GIN1: variants seen among roughly 807,000 people sequenced by gnomAD.
The protein encoded by GIN1 is gypsy retrotransposon integrase-like protein 1.
GIN1 carries 41 observed loss-of-function variants against 51.4 expected under a neutral mutation model. That is an observed-to-expected ratio of 0.80 (90% CI 0.62 to 1.04). GIN1 has a LOEUF of 1.04. Ranked by LOEUF, GIN1 falls within the 50% of genes least tolerant of loss-of-function variation. The pLI is 0.00. For synonymous variants in GIN1, 222 were observed against 206.5 expected (o/e 1.07, Z -0.64); for missense variants, 610 against 612.4 (o/e 1.00, Z 0.04).
chr5:103,097,758 C>A lies in GIN1; in HGVS notation c.663G>T (p.Leu221Phe). Reference protein sequence around the residue: ...IQQINIELYRLFGIKQIVISH... With the variant: ...IQQINIELYRFFGIKQIVISH... ...AAATTACAATTTGCTTTATGCCAAA[C>A]AATCTGTACAGTTCAATATTGATCT... The change falls in exon 5 of 8, where the codon TTG (leucine) becomes TTT (phenylalanine). Residue 221 changes from leucine to phenylalanine, a missense_variant. Coordinates refer to ENST00000399004, the MANE Select transcript of GIN1 (RefSeq NM_017676.2). The A allele has an allele frequency of 1.3e-6, 2 of 1,546,224 alleles. No homozygotes were observed. The highest frequency in any genetic ancestry group is 1.8e-6 in the Non-Finnish European group (2 of 1,118,276).
intron 1 of GIN1, among the ~76,000 whole-genome samples, chr5:103,111,864 T>A (rs368573049): frequency 2.0e-5 from 3 of 152,166 alleles, no homozygotes; most frequent in African/African-American, 7.2e-5. Context: ...TTCTATCTAA[T>A]GTAAGATGAA....
intron 4 of GIN1, among the ~76,000 whole-genome samples, chr5:103,100,683 T>C (rs1297433697): frequency 5.3e-5 from 8 of 152,000 alleles, no homozygotes; most frequent in African/African-American, 1.7e-4. Context: ...TGAGCCACCA[T>C]GCTTGGCCCT....
chr5:103,118,416 C>A (rs1298412535), intron 1 of GIN1, among the ~76,000 whole-genome samples: 1 of 152,116 alleles, frequency 6.6e-6, no homozygotes, highest in South Asian at 2.1e-4. Context: ...AAAACCCTTT[C>A]TTTTCCCAAA....
chr5:103,116,075 T>C (rs1383083584), intron 1 of GIN1, among the ~76,000 whole-genome samples: 3 of 152,236 alleles, frequency 2.0e-5, no homozygotes, highest in Admixed American at 6.5e-5. Context: ...AATTGATCTA[T>C]AGATTCAATG....
chr5:103,096,325 A>T (rs868952060), intron 7 of GIN1, among the ~76,000 whole-genome samples: 7 of 152,010 alleles, frequency 4.6e-5, no homozygotes, highest in African/African-American at 7.3e-5. Flanking sequence ...GGGCAGAAAG[A>T]GGGAAACTCT....
chr5:103,103,771 G>C (rs2151470397), intron 4 of GIN1, among the ~76,000 whole-genome samples: 1 of 152,130 alleles, frequency 6.6e-6, no homozygotes, highest in East Asian at 1.9e-4. Flanking sequence ...CCCTTTACCT[G>C]TCAATCATAG....
chr5:103,102,256 GTTAA>G (rs1787595970), intron 4 of GIN1: 2 of 152,096 alleles, frequency 1.3e-5, no homozygotes, highest in Non-Finnish European at 2.9e-5. Flanking sequence ...ATTGTTACCT[GTTAA>G]TTAATTACAT....
chr5:103,096,783 ATGATCTTGCTTTTATTT>A lies in GIN1; in HGVS notation c.1035_1051del (p.Asn346CysfsTer2). On this transcript the variant is annotated frameshift_variant, in exon 7 of 8. Transcript: ENST00000399004. LOFTEE classifies it high-confidence loss of function. ...TAATTGTTTGGGTTTCTTTTTAACA[ATGATCTTGCTTTTATTT>A]AGTTCATCCAAATTGTTGTTCTCCA... The A allele has an allele frequency of 1.2e-6, 2 of 1,607,786 alleles. No individual in the cohort carries two copies. Among genetic ancestry groups the A allele is most frequent in the Non-Finnish European group, 8.5e-7 (1 of 1,174,504 alleles).
At chr5:103,092,657 A>G (rs1273277207) in intron 7 of GIN1, among the ~76,000 whole-genome samples, 1 of 150,750 alleles carries the variant, frequency 6.6e-6, no homozygotes, top group Non-Finnish European at 1.5e-5. Flanking sequence ...TTAAGAAATT[A>G]TATAACTGGA....
Position 103,097,587 on chromosome 5 carries a change from T to C in GIN1, c.831+3A>G, listed in dbSNP as rs375232582. On this transcript the variant is annotated splice_donor_region_variant and intron_variant, in intron 5 of 7. Coordinates refer to ENST00000399004, the MANE Select transcript of GIN1 (RefSeq NM_017676.2). ...AAGTACAGAATTATAAAAAGGCACA[T>C]ACCAAGTGAGTTACATTGAAGGCAA... 28 of 1,589,234 alleles carry C rather than the reference T, an allele frequency of 1.8e-5. No homozygotes were observed. The highest frequency in any genetic ancestry group is 2.2e-5 in the Non-Finnish European group (25 of 1,158,224).
intron 1 of GIN1, among the ~76,000 whole-genome samples, chr5:103,112,432 T>C (rs1389071878): frequency 6.6e-6 from 1 of 152,192 alleles, no homozygotes; most frequent in Admixed American, 6.5e-5. Context: ...GTGGACACCA[T>C]GAGACTGCCT....
At chr5:103,098,551 T>C (rs1787474203) in intron 4 of GIN1, among the ~76,000 whole-genome samples, 1 of 152,116 alleles carries the variant, frequency 6.6e-6, no homozygotes. Context: ...CTGCACTACC[T>C]GGGTTCAAGC....
At chr5:103,091,445 TATC>T (rs1213758965) in intron 7 of GIN1, among the ~76,000 whole-genome samples, 5 of 152,178 alleles carry the variant, frequency 3.3e-5, no homozygotes, top group Non-Finnish European at 5.9e-5. Context: ...TAAGCAAACA[TATC>T]ATATTAAAGG....
In GIN1 at chr5:103,108,557, C is replaced by T; in HGVS notation, c.139+12G>A. On this transcript the variant is annotated intron_variant, in intron 2 of 7. Transcript: ENST00000399004. ...TACAACTCAATAATCAAAATTTGAA[C>T]ATTAATTTTACCTTTGAAGACAAAT... is the stretch of plus-strand genomic sequence containing the variant. 1 of 1,557,872 alleles carries T rather than the reference C, an allele frequency of 6.4e-7. No homozygotes were observed.
chr5:103,101,010 C>A (rs1018573316), intron 4 of GIN1, among the ~76,000 whole-genome samples: 1 of 152,114 alleles, frequency 6.6e-6, no homozygotes, highest in Non-Finnish European at 1.5e-5. Context: ...TAGTACCTAA[C>A]CCTATTTATA....
chr5:103,117,064 A>G (rs34779), intron 1 of GIN1, among the ~76,000 whole-genome samples: 37,068 of 151,938 alleles, frequency 0.24, 5,150 homozygotes, highest in East Asian at 0.45. Flanking sequence ...CCAAAAGAAA[A>G]TATGTACACC....
At chr5:103,106,691 A>T in intron 3 of GIN1, 25 bp downstream of exon 3, 4 of 1,315,722 alleles carry the variant, frequency 3.0e-6, no homozygotes, top group Non-Finnish European at 4.2e-6. Context: ...CATTATTCAT[A>T]ATACTCTAAA....
intron 1 of GIN1, among the ~76,000 whole-genome samples, chr5:103,115,127 T>C (rs533901592): frequency 9.8e-5 from 15 of 152,308 alleles, no homozygotes; most frequent in African/African-American, 3.6e-4. Context: ...ACTGAGTAAC[T>C]GCTATGTGCC....
intron 7 of GIN1, among the ~76,000 whole-genome samples, chr5:103,090,168 A>T (rs1274793251): frequency 6.6e-6 from 1 of 152,158 alleles, no homozygotes; most frequent in Non-Finnish European, 1.5e-5. Flanking sequence ...ATGTGCCTGT[A>T]ATCCCAGCTA....
Sources: gnomAD v4.1 joint callset for allele counts (sites outside exome capture counted in the v4.1 genomes callset) on GRCh38, gnomAD v4.1.1 for gene constraint, MANE v1.5 for transcripts, NCBI Gene and HGNC (gene_info 2026-07-23, HGNC 2026-07-21) for gene names.